CYP4F2: variants seen among roughly 807,000 people sequenced by gnomAD.
CYP4F2 encodes cytochrome P450 family 4 subfamily F member 2, also known as cytochrome P450 4F2.
In CYP4F2, 58 loss-of-function variants were observed where a neutral mutation model predicts 58.9. The ratio of observed to expected loss-of-function variants is 0.98; its 90% CI spans 0.80 to 1.23. The LOEUF is 1.23. Ranked by LOEUF, CYP4F2 falls within the 50% of genes most tolerant of loss-of-function variation. The probability of loss-of-function intolerance (pLI) is 0.00; values close to 1 mark genes in which losing one functional copy is unlikely to be tolerated. For missense variants in CYP4F2, 616 were observed against 685.6 expected (o/e 0.90, Z 1.13); for synonymous variants, 287 against 261.1 (o/e 1.10, Z -0.95).
Position 15,892,324 on chromosome 19 carries a change from A to G in CYP4F2, c.510T>C (p.Ser170=). Residue 170 remains serine (S), a synonymous_variant, in exon 5 of 13, where the codon AGT becomes AGC. Transcript: ENST00000221700. The part of the protein sequence containing the change: ...LKPYMKIFNE[S]VNIMHAKWQL... ...AATAACTCACGTGCATGATGTTCACACTCTCATTGAAAATCTTCATATAGG... is the reference window on the plus strand; with the variant it reads ...AATAACTCACGTGCATGATGTTCACGCTCTCATTGAAAATCTTCATATAGG... 5 of 1,614,060 alleles carry G rather than the reference A, an allele frequency of 3.1e-6. No homozygotes were observed. In the South Asian group the frequency reaches 4.4e-5, roughly 14 times the overall value.
In CYP4F2 at chr19:15,890,405, C is replaced by A. The variant is rs3093153; in HGVS notation, c.554G>T (p.Gly185Val). ...HAKWQLLASE[G>V]SACLDMFEHI... ...CTCAAACATATCCAAACAGGCACTA[C>A]CCTCTGAGGCCAGGAGCTGCCACTT... Residue 185 changes from glycine to valine, a missense_variant, in exon 6 of 13, where the codon GGT (glycine) becomes GTT (valine). Transcript: ENST00000221700. 0.048 allele frequency: 78,058 copies of A among 1,613,994 alleles called. 2,286 individuals carry two copies. Among genetic ancestry groups the A allele is most frequent in the Non-Finnish European group, 0.053 (62,531 of 1,179,950 alleles).
chr19:15,888,684 C>G (rs2089397719), intron 7 of CYP4F2, among the ~76,000 whole-genome samples: 1 of 152,078 alleles, frequency 6.6e-6, no homozygotes, highest in African/African-American at 2.4e-5. Context: ...ATAGACATGA[C>G]ACACACTCAG....
chr19:15,890,125 A>C (rs1316636801), intron 6 of CYP4F2, among the ~76,000 whole-genome samples, 187 bp downstream of exon 6: 4 of 152,046 alleles, frequency 2.6e-5, no homozygotes, highest in Non-Finnish European at 5.9e-5. Context: ...GACCACACCC[A>C]CCAGTTCAAA....
Position 15,895,546 on chromosome 19 carries a change from C to T in CYP4F2, c.303G>A (p.Leu101=). 1 of 1,547,736 alleles carries T rather than the reference C, an allele frequency of 6.5e-7. No homozygotes were observed. The highest frequency in any genetic ancestry group is 1.2e-5 in the South Asian group (1 of 80,002). The change falls in exon 3 of 13, where the codon TTG becomes TTA. Residue 101 remains leucine, a synonymous_variant. Transcript: ENST00000221700. ...CAGACCGGATGATGTCGGGGTGGCA[C>T]AAACTGAGGAGGGGGGAGATGGGTC... is the stretch of plus-strand genomic sequence containing the variant. ...WMGPISPLLS[L]CHPDIIRSVI...
At position 15,895,586 on chromosome 19, in the gene CYP4F2, AAGCCCTGGGGGT is replaced by A; in HGVS notation, c.251_262del (p.Tyr84_Gly87del). On this transcript the variant is annotated inframe_deletion, in exon 3 of 13. Coordinates refer to ENST00000221700, the MANE Select transcript of CYP4F2 (RefSeq NM_001082.5). ...GGAGATGGGTCCCATCCAGACCTTA[AAGCCCTGGGGGT>A]AGGTGGCCACCAGCTGAGTCAGAAC... 6.3e-7 allele frequency: 1 copy of A among 1,591,052 alleles called. No individual in the cohort carries two copies. The highest frequency in any genetic ancestry group is 8.5e-7 in the Non-Finnish European group (1 of 1,170,698).
intron 9 of CYP4F2, among the ~76,000 whole-genome samples, chr19:15,883,039 A>AT (rs976250297): frequency 2.6e-5 from 4 of 152,118 alleles, no homozygotes; most frequent in African/African-American, 9.7e-5. Flanking sequence ...TGAAATCTGG[A>AT]TTTTATACTC....
At chr19:15,881,549 T>A (rs568341718) in intron 9 of CYP4F2, among the ~76,000 whole-genome samples, 16 of 149,730 alleles carry the variant, frequency 1.1e-4, no homozygotes, top group African/African-American at 4.0e-4. Flanking sequence ...GGTATATAGA[T>A]ACATAGATAG....
chr19:15,878,708 T>C lies in CYP4F2; in HGVS notation c.*63A>G, dbSNP rs201489301. The C allele has an allele frequency of 6.3e-7, 1 of 1,597,570 alleles. No individual in the cohort carries two copies. The highest frequency in any genetic ancestry group is 8.5e-7 in the Non-Finnish European group (1 of 1,170,712). On this transcript the variant is annotated 3_prime_UTR_variant, in exon 13 of 13. Transcript: ENST00000221700. ...GTGGAACAGGGTCTTAGGGTAATTC[T>C]AGGCTTCACTTTTGATGAATCAGGG...
intron 5 of CYP4F2, among the ~76,000 whole-genome samples, chr19:15,890,970 G>T (rs1009786041): frequency 4.6e-5 from 7 of 152,128 alleles, no homozygotes; most frequent in African/African-American, 1.4e-4. Flanking sequence ...CTGGCATATG[G>T]TATGTGATCA....
chr19:15,879,032 G>C, intron 12 of CYP4F2, 96 bp from the exon 13 acceptor site: 3 of 1,538,146 alleles, frequency 2.0e-6, no homozygotes, highest in Non-Finnish European at 8.8e-7. Context: ...ACCCCACCTA[G>C]AGCAGTTTGA....
At position 15,895,486 on chromosome 19, in the gene CYP4F2, C is replaced by G. The variant is rs746008995; in HGVS notation, c.343+20G>C. On this transcript the variant is annotated intron_variant, in intron 3 of 12. Coordinates refer to ENST00000221700, the MANE Select transcript of CYP4F2 (RefSeq NM_001082.5). ...TGCAGGCCTCAAATGCACTGCCCCA[C>G]CAGCTGTTCCAGATGGTACCTGAGG... 8 of 1,483,174 alleles carry G rather than the reference C, an allele frequency of 5.4e-6. No homozygotes were observed. In the East Asian group the frequency reaches 1.6e-4, roughly 30 times the overall value. The allele number at this position is 1,483,174 out of a possible 1,614,324, so 91.9% of individuals were successfully genotyped here.
chr19:15,882,997 C>T (rs748565760), intron 9 of CYP4F2, among the ~76,000 whole-genome samples: 2 of 152,110 alleles, frequency 1.3e-5, no homozygotes, highest in African/African-American at 2.4e-5. Flanking sequence ...ATTTTTTGGA[C>T]CCTTTCTTTT....
chr19:15,886,414 T>A, intron 7 of CYP4F2, 106 bp from the exon 8 acceptor site: 3 of 1,409,196 alleles, frequency 2.1e-6, no homozygotes, highest in Non-Finnish European at 2.9e-6. Context: ...AGATTCATCC[T>A]TTTTCCAGAA....
chr19:15,889,259 C>A (rs1269861093), intron 7 of CYP4F2, among the ~76,000 whole-genome samples, 164 bp downstream of exon 7: 1 of 152,196 alleles, frequency 6.6e-6, no homozygotes, highest in Admixed American at 6.5e-5. Context: ...CTGCTAGGTG[C>A]ACTCCACAGT....
At position 15,898,051 on chromosome 19, in the gene CYP4F2, G is replaced by A. The variant is rs3093094; in HGVS notation, c.-27C>T. The A allele has an allele frequency of 8.0e-3, 1,574 of 197,166 alleles. 32 individuals carry two copies. The highest frequency in any genetic ancestry group is 0.036 in the African/African-American group (1,505 of 41,800). The allele number at this position is 197,166 out of a possible 1,614,324, so 12.2% of individuals were successfully genotyped here. A position where few individuals can be genotyped will look rare whatever the true frequency, so the allele number is the denominator to read the frequency against. On this transcript the variant is annotated 5_prime_UTR_variant, in exon 1 of 13. Coordinates refer to ENST00000221700, the MANE Select transcript of CYP4F2 (RefSeq NM_001082.5). ...CTTCTGTCAGGAGCAGTCTGTCCCA[G>A]ACAACCTCCTCTCTCTGTCTGCTGG...
Position 15,879,774 on chromosome 19 carries a change from G to T in CYP4F2, c.1239C>A (p.Val413=). 1 of 1,614,186 alleles carries T rather than the reference G, an allele frequency of 6.2e-7. No homozygotes were observed. Among genetic ancestry groups the T allele is most frequent in the Non-Finnish European group, 8.5e-7 (1 of 1,180,022 alleles). Reference sequence around the variant, plus strand: ...TGAGGCTGTGAGCACCTTTGGGGATGACCCGGCCGTCTGGGAGCACAATGT... The same window carrying T: ...TGAGGCTGTGAGCACCTTTGGGGATTACCCGGCCGTCTGGGAGCACAATGT... ...TQDIVLPDGR[V]IPKGIICLIS... Residue 413 remains valine (V), a synonymous_variant, in exon 10 of 13, where the codon GTC becomes GTA. Coordinates refer to ENST00000221700, the MANE Select transcript of CYP4F2 (RefSeq NM_001082.5).
intron 4 of CYP4F2, 35 bp downstream of exon 4, chr19:15,892,494 G>A (rs777029465): frequency 3.1e-6 from 5 of 1,613,934 alleles, no homozygotes; most frequent in Non-Finnish European, 4.2e-6. Flanking sequence ...GCCCCCCAAC[G>A]TTTTTCCCAA....
At chr19:15,881,398 AT>A (rs895985716) in intron 9 of CYP4F2, among the ~76,000 whole-genome samples, 2 of 152,244 alleles carry the variant, frequency 1.3e-5, no homozygotes, top group African/African-American at 4.8e-5. Flanking sequence ...ATATATATTT[AT>A]GAAATTAATG....
chr19:15,896,376 A>AGAAGACG, intron 2 of CYP4F2, among the ~76,000 whole-genome samples: 1 of 152,172 alleles, frequency 6.6e-6, no homozygotes, highest in Non-Finnish European at 1.5e-5. Flanking sequence ...GGGCAGAGGG[A>AGAAGACG]GAAGACGCAC....
Sources: allele counts gnomAD v4.1 joint callset (sites outside exome capture counted in the v4.1 genomes callset), GRCh38; gene constraint gnomAD v4.1.1; transcripts MANE v1.5; gene names NCBI Gene and HGNC (gene_info 2026-07-23, HGNC 2026-07-21).